The following GALNT14 variants were observed in gnomAD, a reference collection of about 807,000 sequenced individuals.
The protein encoded by GALNT14 is polypeptide N-acetylgalactosaminyltransferase 14.
Under a neutral mutation model 77.5 loss-of-function variants are expected in GALNT14, and 60 were observed. The observed-to-expected ratio is 0.77, with a 90% CI of 0.63 to 0.96. The LOEUF is 0.96. Among genes scored for constraint, GALNT14 ranks in the 40% least tolerant of loss-of-function variants. The pLI, the probability that GALNT14 is intolerant of heterozygous loss-of-function variation, is 0.00. For synonymous variants in GALNT14, 280 were observed against 281.7 expected (o/e 0.99, Z 0.06); for missense variants, 710 against 731.0 (o/e 0.97, Z 0.33).
rs1374021688 is a variant in GALNT14, at chr2:31,035,613, ACACC to A, written c.130-42610_130-42607del. On this transcript the variant is annotated intron_variant, in intron 1 of 14. Coordinates refer to ENST00000349752, the MANE Select transcript of GALNT14 (RefSeq NM_024572.4). ...TACATATACATATACACACACACAC[ACACC>A]TACACACACACACACACACACACAC... Among the ~76,000 whole-genome samples, 31 of 40,458 alleles carry A rather than the reference ACACC, an allele frequency of 7.7e-4. 1 individual carries two copies. In the East Asian group the frequency reaches 0.036, roughly 47 times the overall value. The allele number at this position is 40,458 out of a possible 152,430, so 26.5% of individuals were successfully genotyped here. A position where few individuals can be genotyped will look rare whatever the true frequency, so the allele number is the denominator to read the frequency against.
At chr2:30,958,046 G>T (rs1453043111) in intron 4 of GALNT14, among the ~76,000 whole-genome samples, 1 of 152,180 alleles carries the variant, frequency 6.6e-6, no homozygotes, top group Non-Finnish European at 1.5e-5. Context: ...AGCAAGAAAA[G>T]AATGCGGAAA....
At chr2:30,911,200 A>G (rs993762392) in intron 14 of GALNT14, 141 bp from the exon 15 acceptor site, 5 of 679,582 alleles carry the variant, frequency 7.4e-6, no homozygotes, top group Admixed American at 6.3e-5. Context: ...TAAAACTGCA[A>G]CTAATTGCTC....
At chr2:31,067,501 T>C (rs1334645228) in intron 1 of GALNT14, among the ~76,000 whole-genome samples, 2 of 151,710 alleles carry the variant, frequency 1.3e-5, no homozygotes, top group Admixed American at 6.6e-5. Context: ...CGGCAGAGGG[T>C]GCACTCACTC....
chr2:31,059,728 A>G (rs557964000), intron 1 of GALNT14, among the ~76,000 whole-genome samples: 1 of 152,206 alleles, frequency 6.6e-6, no homozygotes, highest in Admixed American at 6.5e-5. Context: ...AATAAAAATG[A>G]TAAAGAGGCC....
At chr2:30,968,528 T>A (rs1160448751) in intron 2 of GALNT14, among the ~76,000 whole-genome samples, 1 of 152,200 alleles carries the variant, frequency 6.6e-6, no homozygotes, top group Non-Finnish European at 1.5e-5. Flanking sequence ...CGGAGAGATG[T>A]CCAGGTGGAG....
intron 1 of GALNT14, among the ~76,000 whole-genome samples, chr2:31,114,082 T>TA (rs1364110759): frequency 2.6e-5 from 4 of 152,114 alleles, no homozygotes; most frequent in Non-Finnish European, 5.9e-5. Context: ...TAAAAACTCT[T>TA]AGTCTGTAAA....
intron 1 of GALNT14, among the ~76,000 whole-genome samples, chr2:31,085,292 A>G (rs1676372017): frequency 6.6e-6 from 1 of 152,200 alleles, no homozygotes; most frequent in African/African-American, 2.4e-5. Flanking sequence ...CACATTTACT[A>G]CCAGGGACAT....
At chr2:31,100,400 T>C (rs1260217404) in intron 1 of GALNT14, among the ~76,000 whole-genome samples, 1 of 152,242 alleles carries the variant, frequency 6.6e-6, no homozygotes, top group East Asian at 1.9e-4. Flanking sequence ...TTAATTTATG[T>C]TTACTAATTA....
At chr2:31,046,517 C>T (rs753530150) in intron 1 of GALNT14, among the ~76,000 whole-genome samples, 35 of 152,142 alleles carry the variant, frequency 2.3e-4, no homozygotes, top group Admixed American at 3.3e-4. Flanking sequence ...CGTGAGCCAC[C>T]GCGCGTGGCC....
chr2:31,046,291 A>G (rs1352498979), intron 1 of GALNT14, among the ~76,000 whole-genome samples: 2 of 150,176 alleles, frequency 1.3e-5, no homozygotes, highest in Non-Finnish European at 2.9e-5. Context: ...CAGCGGCACA[A>G]TCTCTGCTCA....
At chr2:31,075,295 T>G (rs995395607) in intron 1 of GALNT14, among the ~76,000 whole-genome samples, 1 of 152,224 alleles carries the variant, frequency 6.6e-6, no homozygotes, top group Non-Finnish European at 1.5e-5. Context: ...CTTGAGCCAA[T>G]TAAACCTCTT....
chr2:30,985,872 A>T (rs1037799393), intron 2 of GALNT14, among the ~76,000 whole-genome samples: 8 of 152,172 alleles, frequency 5.3e-5, no homozygotes, highest in African/African-American at 1.9e-4. Context: ...GAGCTAGTGG[A>T]ATAGCCTTGA....
intron 1 of GALNT14, among the ~76,000 whole-genome samples, chr2:31,083,042 A>G (rs1676233819): frequency 6.6e-6 from 1 of 152,180 alleles, no homozygotes; most frequent in Admixed American, 6.5e-5. Context: ...AAAAAAACAA[A>G]GAAATCTACT....
intron 1 of GALNT14, among the ~76,000 whole-genome samples, chr2:31,013,657 G>C (rs1396577412): frequency 6.6e-6 from 1 of 152,290 alleles, no homozygotes; most frequent in East Asian, 1.9e-4. Context: ...TTTTGAAGCA[G>C]CCACTAGAAT....
At chr2:31,111,085 C>T (rs896239050) in intron 1 of GALNT14, among the ~76,000 whole-genome samples, 3 of 152,202 alleles carry the variant, frequency 2.0e-5, no homozygotes, top group African/African-American at 7.2e-5. Context: ...TCTGGCCTCT[C>T]AAAGACAGCA....
intron 1 of GALNT14, among the ~76,000 whole-genome samples, chr2:31,104,611 A>G: frequency 6.6e-6 from 1 of 152,182 alleles, no homozygotes; most frequent in Non-Finnish European, 1.5e-5. Flanking sequence ...ATCTCTCATC[A>G]GTCTCATCCA....
intron 11 of GALNT14, among the ~76,000 whole-genome samples, chr2:30,928,678 G>A (rs554940527): frequency 1.1e-4 from 17 of 152,002 alleles, no homozygotes; most frequent in Admixed American, 3.3e-4. Flanking sequence ...GTGCAGTGGC[G>A]TGATCTCGGC....
At chr2:31,025,617 G>A (rs565773168) in intron 1 of GALNT14, among the ~76,000 whole-genome samples, 1 of 152,334 alleles carries the variant, frequency 6.6e-6, no homozygotes, top group Non-Finnish European at 1.5e-5. Flanking sequence ...CAGAGACCAA[G>A]AGCTCTAAGC....
At chr2:30,946,521 C>G (rs1259631007) in intron 6 of GALNT14, among the ~76,000 whole-genome samples, 1 of 152,200 alleles carries the variant, frequency 6.6e-6, no homozygotes, top group African/African-American at 2.4e-5. Context: ...CCTTCACCTT[C>G]TGCCATGATT....
Sources: allele counts gnomAD v4.1 joint callset (sites outside exome capture counted in the v4.1 genomes callset), GRCh38; gene constraint gnomAD v4.1.1; transcripts MANE v1.5; gene names NCBI Gene and HGNC (gene_info 2026-07-23, HGNC 2026-07-21).